The following YAF2 variants were observed in gnomAD, a reference collection of about 807,000 sequenced individuals.
YAF2 encodes YY1-associated factor 2.
In YAF2, 7 loss-of-function variants were observed where a neutral mutation model predicts 20.1. That is an observed-to-expected ratio of 0.35 (90% CI 0.20 to 0.65). The LOEUF (loss-of-function observed/expected upper bound fraction) is 0.65. YAF2 is among the 30% of genes least tolerant of loss of function. YAF2 has a pLI of 0.69. For missense variants in YAF2, 151 were observed against 219.2 expected, an observed-to-expected ratio of 0.69 and a Z score of 1.96; for synonymous variants, 74 against 76.0, an observed-to-expected ratio of 0.97 and a Z score of 0.14.
At chr12:42,233,284 A>G in intron 2 of YAF2, 1 of 985,434 alleles carries the variant, frequency 1.0e-6, no homozygotes, top group Non-Finnish European at 1.2e-6. Flanking sequence ...TACCTGTTAC[A>G]TTTGAAAGCC....
At chr12:42,232,450 T>G in intron 2 of YAF2, 1 of 985,410 alleles carries the variant, frequency 1.0e-6, no homozygotes, top group Non-Finnish European at 1.2e-6. Context: ...TAATAATCAC[T>G]TGTAAAATTT....
rs970942357 is a variant in YAF2, at chr12:42,159,062, C to A, written c.*1527G>T. The A allele has an allele frequency of 6.6e-6, 1 of 152,080 alleles. No homozygotes were observed. Among genetic ancestry groups the A allele is most frequent in the African/African-American group, 2.4e-5 (1 of 41,434 alleles). 9.4% of individuals were successfully genotyped at this position (152,080 alleles called of 1,614,324 possible). ...GGTATATAAATGTTTTAATCACAGA[C>A]TTTTACTGTATGCAATTAATTGTAT... On this transcript the variant is annotated 3_prime_UTR_variant, in exon 4 of 4. Coordinates refer to ENST00000534854, the MANE Select transcript of YAF2 (RefSeq NM_005748.6).
At chr12:42,207,593 A>G (rs1039933622) in intron 2 of YAF2, among the ~76,000 whole-genome samples, 11 of 152,188 alleles carry the variant, frequency 7.2e-5, no homozygotes, top group Non-Finnish European at 1.5e-5. Context: ...TTTATACATT[A>G]AAAAACTGGT....
intron 2 of YAF2, among the ~76,000 whole-genome samples, chr12:42,225,062 C>T (rs1158341084): frequency 2.0e-5 from 3 of 152,174 alleles, no homozygotes; most frequent in Admixed American, 6.5e-5. Context: ...TTTTAATGAT[C>T]GCCATTCTAA....
chr12:42,164,487 A>G (rs1297780205), intron 2 of YAF2, among the ~76,000 whole-genome samples: 1 of 152,154 alleles, frequency 6.6e-6, no homozygotes, highest in Non-Finnish European at 1.5e-5. Flanking sequence ...AGCTTGATCA[A>G]CTTCATCATA....
chr12:42,205,488 C>T (rs979420759), intron 2 of YAF2, among the ~76,000 whole-genome samples: 1 of 151,980 alleles, frequency 6.6e-6, no homozygotes, highest in Admixed American at 6.6e-5. Flanking sequence ...CAATTCTCTG[C>T]CTCAGCCTCC....
intron 2 of YAF2, among the ~76,000 whole-genome samples, chr12:42,221,601 T>C (rs1293670393): frequency 6.6e-6 from 1 of 152,190 alleles, no homozygotes; most frequent in East Asian, 1.9e-4. Flanking sequence ...TTCAGATTTC[T>C]AAATCTCACA....
intron 2 of YAF2, among the ~76,000 whole-genome samples, chr12:42,193,702 C>T (rs1383608351): frequency 6.6e-6 from 1 of 152,146 alleles, no homozygotes; most frequent in East Asian, 1.9e-4. Context: ...CAGGGTTTTG[C>T]CCTGTTGCCC....
At chr12:42,188,659 T>C (rs1417026895) in intron 2 of YAF2, among the ~76,000 whole-genome samples, 1 of 152,136 alleles carries the variant, frequency 6.6e-6, no homozygotes, top group Non-Finnish European at 1.5e-5. Context: ...GTGCTGGGAT[T>C]ATAGGCGTGA....
chr12:42,229,259 G>T (rs1278227001), intron 2 of YAF2, among the ~76,000 whole-genome samples: 2 of 119,414 alleles, frequency 1.7e-5, no homozygotes, highest in African/African-American at 3.3e-5. Flanking sequence ...CAAGTAATCA[G>T]GGACACAAAC....
At chr12:42,203,477 T>A (rs1429118731) in intron 2 of YAF2, among the ~76,000 whole-genome samples, 1 of 152,158 alleles carries the variant, frequency 6.6e-6, no homozygotes, top group Non-Finnish European at 1.5e-5. Context: ...TTGGCTTTAA[T>A]GAGAATGTTT....
At chr12:42,221,470 T>C (rs919101175) in intron 2 of YAF2, among the ~76,000 whole-genome samples, 3 of 85,172 alleles carry the variant, frequency 3.5e-5, no homozygotes, top group Admixed American at 1.3e-4. Flanking sequence ...ACTTGGGAGG[T>C]TGAGCTTGAG....
intron 2 of YAF2, among the ~76,000 whole-genome samples, chr12:42,198,363 A>C (rs1223223228): frequency 6.6e-6 from 1 of 152,190 alleles, no homozygotes; most frequent in East Asian, 1.9e-4. Flanking sequence ...CAGGTGGATC[A>C]CTTTGAGCTC....
At chr12:42,165,552 C>T (rs1166144717) in intron 2 of YAF2, among the ~76,000 whole-genome samples, 1 of 152,000 alleles carries the variant, frequency 6.6e-6, no homozygotes, top group African/African-American at 2.4e-5. Context: ...CAAGCTCTGC[C>T]TCCTGGGTTC....
chr12:42,160,826 C>T lies in YAF2; in HGVS notation c.306G>A (p.Arg102=). The T allele has an allele frequency of 1.3e-6, 2 of 1,590,236 alleles. No homozygotes were observed. The highest frequency in any genetic ancestry group is 1.7e-6 in the Non-Finnish European group (2 of 1,170,000). The change falls in exon 4 of 4, where the codon AGG becomes AGA. Residue 102 remains arginine (R), a splice_region_variant and synonymous_variant. Coordinates refer to ENST00000534854, the MANE Select transcript of YAF2 (RefSeq NM_005748.6). ...TSKKNSHKKT[R]PRLKNVDRSS... Reference sequence around the variant, plus strand: ...TCCGATCCACATTTTTCAATCTTGGCCTAAACATAAAAAAATGAAATTTTA... The same window carrying T: ...TCCGATCCACATTTTTCAATCTTGGTCTAAACATAAAAAAATGAAATTTTA...
intron 2 of YAF2, among the ~76,000 whole-genome samples, chr12:42,162,713 TA>T (rs1272413667): frequency 1.3e-5 from 2 of 151,968 alleles, no homozygotes; most frequent in Non-Finnish European, 2.9e-5. Flanking sequence ...CAAGACAACA[TA>T]AAAAATAATG....
intron 2 of YAF2, among the ~76,000 whole-genome samples, chr12:42,195,927 G>C (rs966758747): frequency 6.6e-6 from 1 of 152,036 alleles, no homozygotes; most frequent in Non-Finnish European, 1.5e-5. Flanking sequence ...CAGAGACAGA[G>C]AATGGGAGGA....
chr12:42,227,671 C>T (rs1181544115), intron 2 of YAF2, among the ~76,000 whole-genome samples: 3 of 146,588 alleles, frequency 2.0e-5, no homozygotes, highest in Non-Finnish European at 4.5e-5. Context: ...AGTGAGGAGC[C>T]TCTCCGCCCG....
At chr12:42,231,057 TC>T (rs1410376171) in intron 2 of YAF2, among the ~76,000 whole-genome samples, 1 of 152,202 alleles carries the variant, frequency 6.6e-6, no homozygotes, top group African/African-American at 2.4e-5. Context: ...GACCAGCAGT[TC>T]ACAAACTTTT....
Sources: allele counts gnomAD v4.1 joint callset (sites outside exome capture counted in the v4.1 genomes callset), GRCh38; gene constraint gnomAD v4.1.1; transcripts MANE v1.5; gene names NCBI Gene and HGNC (gene_info 2026-07-23, HGNC 2026-07-21).